SLC6A9: variants seen among roughly 807,000 people sequenced by gnomAD.
SLC6A9 encodes solute carrier family 6 member 9.
Under a neutral mutation model 70.9 loss-of-function variants are expected in SLC6A9, and 31 were observed. The ratio of observed to expected loss-of-function variants is 0.44; its 90% CI spans 0.33 to 0.59. The LOEUF (loss-of-function observed/expected upper bound fraction) is 0.59. Among genes scored for constraint, SLC6A9 ranks in the 20% least tolerant of loss-of-function variants. SLC6A9 has a pLI of 0.04. For missense variants in SLC6A9, 631 were observed against 845.2 expected (o/e 0.75, Z 3.14); for synonymous variants, 310 against 341.3 (o/e 0.91, Z 1.01).
Position 44,002,876 on chromosome 1 carries a change from G to T in SLC6A9, c.700C>A (p.Arg234=). 6.2e-7 allele frequency: 1 copy of T among 1,614,088 alleles called. No individual in the cohort carries two copies. Among genetic ancestry groups the T allele is most frequent in the Non-Finnish European group, 8.5e-7 (1 of 1,180,012 alleles). The change falls in exon 6 of 14, where the codon CGA becomes AGA. Residue 234 remains arginine (R), a synonymous_variant. Coordinates refer to ENST00000372310, the MANE Select transcript of SLC6A9 (RefSeq NM_001024845.3). This position sits in a 1 kb window ranked among gnomAD's most constrained non-coding sequence, Gnocchi z 5.5. ...SWLVVFLCLI[R]GVKSSGKVVY... is the part of the protein sequence containing the mutation. ...GCTTTCCCTGAAGACTTGACCCCTC[G>T]GATGAGGCAGAGGAAGACGACCAAC...
At chr1:44,029,805 A>T (rs1158223295) in intron 1 of SLC6A9, among the ~76,000 whole-genome samples, 1 of 152,144 alleles carries the variant, frequency 6.6e-6, no homozygotes, top group Non-Finnish European at 1.5e-5. Context: ...CCTTGGAAAC[A>T]CTTGGGCATG....
chr1:44,021,211 C>T (rs1262825638), intron 2 of SLC6A9, among the ~76,000 whole-genome samples: 2 of 152,260 alleles, frequency 1.3e-5, no homozygotes, highest in Non-Finnish European at 2.9e-5. Flanking sequence ...CACGGGAGGA[C>T]CACCCCACCC....
intron 2 of SLC6A9, among the ~76,000 whole-genome samples, chr1:44,011,235 T>G (rs2086556094): frequency 6.6e-6 from 1 of 152,194 alleles, no homozygotes. Context: ...GGTAAGGATC[T>G]GGGAGCAGCT....
chr1:44,000,692 C>T (rs2086058189), intron 12 of SLC6A9, 75 bp downstream of exon 12: 1 of 993,702 alleles, frequency 1.0e-6, no homozygotes, highest in Admixed American at 2.1e-5. Context: ...CCCACTGTCC[C>T]TCCGCTGGGT....
intron 1 of SLC6A9, among the ~76,000 whole-genome samples, chr1:44,030,911 G>A (rs1294795694): frequency 6.6e-6 from 1 of 152,122 alleles, no homozygotes; most frequent in Non-Finnish European, 1.5e-5. Flanking sequence ...TGGCTCCTCG[G>A]ACGGACAGTG....
Position 44,015,917 on chromosome 1 carries a change from C to T in SLC6A9, c.31-5035G>A, listed in dbSNP as rs1048094812. The T allele has an allele frequency of 2.3e-5, 23 of 981,188 alleles. No homozygotes were observed. The African/African-American group carries it at 3.5e-4, about 15-fold the overall frequency. The allele number at this position is 981,188 out of a possible 1,614,324, so 60.8% of individuals were successfully genotyped here. On this transcript the variant is annotated intron_variant, in intron 2 of 13. Coordinates refer to ENST00000372310, the MANE Select transcript of SLC6A9 (RefSeq NM_001024845.3). ...GCCATTCATGCCTCCTGCCTCAAGG[C>T]AAACCTCAGAGCCATCTCTGGGCAC...
chr1:44,029,279 C>T (rs1027075334), intron 1 of SLC6A9, among the ~76,000 whole-genome samples: 5 of 152,190 alleles, frequency 3.3e-5, no homozygotes, highest in African/African-American at 1.2e-4. Context: ...CTTGAAGGAC[C>T]GCACAGTTTA....
chr1:44,026,823 G>A (rs1235164832), intron 1 of SLC6A9, among the ~76,000 whole-genome samples: 2 of 152,230 alleles, frequency 1.3e-5, no homozygotes, highest in African/African-American at 4.8e-5. Flanking sequence ...TACCATCAGA[G>A]AGACAGACTC....
rs201437896 is a variant in SLC6A9, at chr1:44,002,538, G to A, written c.832C>T (p.Gln278Ter). ...TTGGCCTCCAGGATCTTGTCCCACT[G>A]CGGGGTTAGGTAGTACATGATGCCG... ...FDGIMYYLTP[Q>*]WDKILEAKVW... The change falls in exon 7 of 14, where the codon CAG becomes TAG. Residue 278 changes from glutamine to a stop codon, truncating the protein, a stop_gained. Coordinates refer to ENST00000372310, the MANE Select transcript of SLC6A9 (RefSeq NM_001024845.3). LOFTEE classifies it high-confidence loss of function. This position sits in a 1 kb window ranked among gnomAD's most constrained non-coding sequence, Gnocchi z 5.5. 29 of 1,614,132 alleles carry A rather than the reference G, an allele frequency of 1.8e-5. No individual in the cohort carries two copies. Among genetic ancestry groups the A allele is most frequent in the African/African-American group, 2.7e-5 (2 of 75,042 alleles).
At position 44,013,430 on chromosome 1, in the gene SLC6A9, G is replaced by T. The variant is rs909492729; in HGVS notation, c.31-2548C>A. Among the ~76,000 whole-genome samples the T allele has an allele frequency of 6.6e-6, 1 of 152,232 alleles. No individual in the cohort carries two copies. The highest frequency in any genetic ancestry group is 6.5e-5 in the Admixed American group (1 of 15,280). On this transcript the variant is annotated intron_variant, in intron 2 of 13. Transcript: ENST00000372310. This position sits in a 1 kb window ranked among gnomAD's most constrained non-coding sequence, Gnocchi z 5.3. ...CCAGCCACTGCTCCGTTAATGAGCC[G>T]TGTGCTAACCAGCTTAGCCGTGCGG...
Position 44,000,937 on chromosome 1 carries a change from C to A in SLC6A9, c.1435+19G>T, listed in dbSNP as rs199700395. 167 of 1,602,490 alleles carry A rather than the reference C, an allele frequency of 1.0e-4. No individual in the cohort carries two copies. The highest frequency in any genetic ancestry group is 1.3e-4 in the Non-Finnish European group (157 of 1,173,070). On this transcript the variant is annotated intron_variant, in intron 11 of 13. Coordinates refer to ENST00000372310, the MANE Select transcript of SLC6A9 (RefSeq NM_001024845.3). ...GGCCAAGGGCCGGGTCGCGGGAGGC[C>A]GGAGGCTCGAGTGCTCACCGTAGAT...
intron 1 of SLC6A9, 75 bp downstream of exon 1, chr1:44,031,230 AG>A (rs2087113387): frequency 6.6e-6 from 1 of 152,334 alleles, no homozygotes; most frequent in South Asian, 2.1e-4. Context: ...AGCCCCGCGG[AG>A]CCGCCGAACA....
chr1:44,001,654 C>A, intron 8 of SLC6A9, 27 bp from the exon 9 acceptor site: 1 of 1,561,696 alleles, frequency 6.4e-7, no homozygotes, highest in Non-Finnish European at 8.8e-7. Context: ...CAGAGTTCAG[C>A]TTCCCTCTCC....
At chr1:44,028,056 G>A (rs1453089763) in intron 1 of SLC6A9, among the ~76,000 whole-genome samples, 4 of 152,200 alleles carry the variant, frequency 2.6e-5, no homozygotes, top group African/African-American at 9.7e-5. Flanking sequence ...TCTACAATAG[G>A]GGGGCCTGGC....
At chr1:44,022,912 G>T (rs2086914394) in intron 2 of SLC6A9, among the ~76,000 whole-genome samples, 1 of 151,902 alleles carries the variant, frequency 6.6e-6, no homozygotes, top group Admixed American at 6.6e-5. Flanking sequence ...CACCATGTTG[G>T]TCAGGCTGGT....
At position 44,013,268 on chromosome 1, in the gene SLC6A9, C is replaced by T. The variant is rs2086633647; in HGVS notation, c.31-2386G>A. ...TTCCCAGCAGGATGAGGGACAGATGCCCCATACCCCCTGACCAAGTGGGAC... is the reference window on the plus strand; with the variant it reads ...TTCCCAGCAGGATGAGGGACAGATGTCCCATACCCCCTGACCAAGTGGGAC... On this transcript the variant is annotated intron_variant, in intron 2 of 13. Transcript: ENST00000372310. This position sits in a 1 kb window ranked among gnomAD's most constrained non-coding sequence, Gnocchi z 5.3. Among the ~76,000 whole-genome samples, 1 of 152,202 alleles carries T rather than the reference C, an allele frequency of 6.6e-6. No homozygotes were observed. The highest frequency in any genetic ancestry group is 2.4e-5 in the African/African-American group (1 of 41,450).
At chr1:44,011,759 T>G (rs111824744) in intron 2 of SLC6A9, 16,089 of 1,605,310 alleles carry the variant, frequency 0.01, 108 homozygotes, top group Non-Finnish European at 0.012. Context: ...GAGAGGCAGA[T>G]GCGGGGATTT....
chr1:44,021,758 C>G (rs1253720686), intron 2 of SLC6A9, among the ~76,000 whole-genome samples: 1 of 152,232 alleles, frequency 6.6e-6, no homozygotes, highest in African/African-American at 2.4e-5. Context: ...TAGGAAGACA[C>G]AGAAGACACA....
At position 44,001,235 on chromosome 1, in the gene SLC6A9, G is replaced by T. The variant is rs1397383514; in HGVS notation, c.1264C>A (p.Gln422Lys). 6.2e-7 allele frequency: 1 copy of T among 1,614,082 alleles called. No individual in the cohort carries two copies. Among genetic ancestry groups the T allele is most frequent in the African/African-American group, 1.3e-5 (1 of 74,936 alleles). Residue 422 changes from glutamine to lysine, a missense_variant, in exon 10 of 14, where the codon CAG (glutamine) becomes AAG (lysine). Coordinates refer to ENST00000372310, the MANE Select transcript of SLC6A9 (RefSeq NM_001024845.3). ...CCCAAGGTCACATAGGTCTTTTTCTGCAGGATCCACTCATTCCCCACCTCA... is the reference window on the plus strand; with the variant it reads ...CCCAAGGTCACATAGGTCTTTTTCTTCAGGATCCACTCATTCCCCACCTCA... ...VDEVGNEWIL[Q>K]KKTYVTLGVA...
Sources: gnomAD v4.1 joint callset for allele counts (sites outside exome capture counted in the v4.1 genomes callset) on GRCh38, gnomAD v4.1.1 for gene constraint, Gnocchi (gnomAD v3.1) non-coding constraint, MANE v1.5 for transcripts, NCBI Gene and HGNC (gene_info 2026-07-23, HGNC 2026-07-21) for gene names.